Variants in KIFC3 observed in about 807,000 individuals in gnomAD.
KIFC3 encodes kinesin-like protein KIFC3.
A neutral mutation model predicts 101.8 loss-of-function variants in KIFC3; 60 were observed. That is an observed-to-expected ratio of 0.59 (90% CI 0.48 to 0.73). KIFC3 has a LOEUF of 0.73. KIFC3 is among the 30% of genes least tolerant of loss of function. The probability of loss-of-function intolerance (pLI) is 0.00; values close to 1 mark genes in which losing one functional copy is unlikely to be tolerated. For missense variants in KIFC3, 966 were observed against 1,137.1 expected, an observed-to-expected ratio of 0.85 and a Z score of 2.16; for synonymous variants, 476 against 482.7, an observed-to-expected ratio of 0.99 and a Z score of 0.18.
intron 3 of KIFC3, among the ~76,000 whole-genome samples, chr16:57,789,658 C>T (rs1763246991): frequency 6.6e-6 from 1 of 152,236 alleles, no homozygotes; most frequent in Non-Finnish European, 1.5e-5. Flanking sequence ...GGTGGCCTTA[C>T]ATTTCATGTT....
chr16:57,777,984 A>G (rs1195277948), intron 3 of KIFC3, among the ~76,000 whole-genome samples: 1 of 152,188 alleles, frequency 6.6e-6, no homozygotes, highest in African/African-American at 2.4e-5. Flanking sequence ...ATATACAAAA[A>G]TTAACTCAAA....
chr16:57,828,052 C>T (rs1331078485), intron 1 of KIFC3, among the ~76,000 whole-genome samples: 1 of 152,206 alleles, frequency 6.6e-6, no homozygotes, highest in Admixed American at 6.5e-5. Context: ...CAGTAAGGAG[C>T]AGGCTGGGAT....
chr16:57,842,456 C>T (rs545593002), intron 1 of KIFC3, among the ~76,000 whole-genome samples: 10 of 152,232 alleles, frequency 6.6e-5, no homozygotes, highest in Admixed American at 6.6e-4. Context: ...TGCAGCAGAG[C>T]GGGAATCACT....
chr16:57,804,062 A>G (rs1273514469), upstream of KIFC3, among the ~76,000 whole-genome samples: 4 of 152,212 alleles, frequency 2.6e-5, no homozygotes, highest in African/African-American at 9.7e-5. Flanking sequence ...TCAGGGATTG[A>G]GTACATTGAC....
Position 57,802,192 on chromosome 16 carries a change from G to A in KIFC3, c.-40+178C>T, listed in dbSNP as rs1192031983. ...CAAGGTCCTCGACTCGGGCTGAACG[G>A]CGCTGGAGGGGACCTCGCAGGGCTG... On this transcript the variant is annotated intron_variant, in intron 1 of 19. Coordinates refer to ENST00000445690, the MANE Select transcript of KIFC3 (RefSeq NM_001130100.2). This position sits in a 1 kb window ranked among gnomAD's most constrained non-coding sequence, Gnocchi z 5.0. Among the ~76,000 whole-genome samples, 2 of 152,212 alleles carry A rather than the reference G, an allele frequency of 1.3e-5. No individual in the cohort carries two copies. The highest frequency in any genetic ancestry group is 4.8e-5 in the African/African-American group (2 of 41,474).
intron 3 of KIFC3, among the ~76,000 whole-genome samples, chr16:57,787,805 C>G (rs1224060010): frequency 2.0e-5 from 3 of 152,228 alleles, no homozygotes; most frequent in African/African-American, 7.2e-5. Context: ...AACCCCAGAA[C>G]AGGGCTCTGG....
Position 57,765,587 on chromosome 16 carries a change from C to G in KIFC3, c.1384G>C (p.Gly462Arg). 6.2e-7 allele frequency: 1 copy of G among 1,611,234 alleles called. No homozygotes were observed. Among genetic ancestry groups the G allele is most frequent in the Non-Finnish European group, 8.5e-7 (1 of 1,178,738 alleles). The change falls in exon 11 of 20, where the codon GGA (glycine) becomes CGA (arginine). Residue 462 changes from glycine (G) to arginine (R), a missense_variant. By Grantham distance (125) the Gly-to-Arg change is moderately radical. This residue lies in a region of KIFC3 where 689 missense variants were observed against 884.6 expected (regional missense o/e 0.78). Coordinates refer to ENST00000445690, the MANE Select transcript of KIFC3 (RefSeq NM_001130100.2). Reference protein sequence around the residue: ...VRPVTKEDGEGPEATNAVTFD... With the variant: ...VRPVTKEDGERPEATNAVTFD... ...GTCACAGCATTGGTGGCCTCAGGTC[C>G]TTCCCCATCCTCTTTGGTGACTGGC...
chr16:57,771,655 A>T lies in KIFC3; in HGVS notation c.413T>A (p.Leu138Gln). The T allele has an allele frequency of 3.1e-6, 5 of 1,612,958 alleles. No homozygotes were observed. The South Asian group carries it at 5.5e-5, about 18-fold the overall frequency. ...CAGTCGCTCATTCTCCACCATCAGC[A>T]GGTCCCGGTGCTTCTCCAAGTCGGT... Reference protein sequence around the residue: ...GGTDLEKHRDLLMVENERLRQ... With the variant: ...GGTDLEKHRDQLMVENERLRQ... Residue 138 changes from leucine (L) to glutamine (Q), a missense_variant, in exon 5 of 20, where the codon CTG (leucine) becomes CAG (glutamine). By Grantham distance (113) the Leu-to-Gln change is moderately radical (BLOSUM62 -2). This residue lies in a region of KIFC3 where 277 missense variants were observed against 252.5 expected (regional missense o/e 1.10). Transcript: ENST00000445690.
chr16:57,812,416 C>T (rs765111875), intron 1 of KIFC3, among the ~76,000 whole-genome samples: 25 of 151,792 alleles, frequency 1.6e-4, no homozygotes, highest in Non-Finnish European at 2.9e-4. Flanking sequence ...GGAATAGGGC[C>T]CTCAGCACCC....
At chr16:57,803,953 A>G (rs2054869021), upstream of KIFC3, among the ~76,000 whole-genome samples, 1 of 152,130 alleles carries the variant, frequency 6.6e-6, no homozygotes, top group South Asian at 2.1e-4. Context: ...TTTAGTATCT[A>G]TCTCCCTTGA....
intron 1 of KIFC3, chr16:57,813,702 C>T: frequency 1.0e-6 from 1 of 984,878 alleles, no homozygotes; most frequent in Non-Finnish European, 1.2e-6. Flanking sequence ...CCAGCACCTC[C>T]CTGCACCCGG....
chr16:57,764,613 A>C (rs1294469383), intron 11 of KIFC3, among the ~76,000 whole-genome samples: 3 of 152,226 alleles, frequency 2.0e-5, no homozygotes, highest in Non-Finnish European at 4.4e-5. Flanking sequence ...ATAGAACCAG[A>C]CATGAGAACA....
chr16:57,797,391 G>A (rs1490429954), intron 2 of KIFC3, among the ~76,000 whole-genome samples: 9 of 152,158 alleles, frequency 5.9e-5, no homozygotes, highest in African/African-American at 1.4e-4. Context: ...CCGCGGCCCC[G>A]CCAATCCAGT....
In KIFC3 at chr16:57,771,668, T is replaced by C. The variant is rs1555608630; in HGVS notation, c.400A>G (p.Lys134Glu). The change falls in exon 5 of 20, where the codon AAG (lysine) becomes GAG (glutamate). Residue 134 changes from lysine to glutamate, a missense_variant. Around this residue, in one of 2 missense-constraint regions of KIFC3, gnomAD observed 277 missense variants for 252.5 expected, o/e 1.10. Transcript: ENST00000445690. ...TCCACCATCAGCAGGTCCCGGTGCT[T>C]CTCCAAGTCGGTGCCCCCCTGCAGA... ...RSELGGTDLE[K>E]HRDLLMVENE... 2 of 1,612,268 alleles carry C rather than the reference T, an allele frequency of 1.2e-6. No individual in the cohort carries two copies. Among genetic ancestry groups the C allele is most frequent in the Non-Finnish European group, 1.7e-6 (2 of 1,179,642 alleles).
At chr16:57,782,528 C>A (rs889003198) in intron 3 of KIFC3, among the ~76,000 whole-genome samples, 2 of 152,228 alleles carry the variant, frequency 1.3e-5, no homozygotes, top group African/African-American at 4.8e-5. Flanking sequence ...GGGTTTGAAC[C>A]CAGCTCCAGG....
intron 1 of KIFC3, among the ~76,000 whole-genome samples, chr16:57,814,874 G>A (rs114551819): frequency 0.016 from 2,389 of 152,126 alleles, 82 homozygotes; most frequent in African/African-American, 0.053. Context: ...CACGAACCTC[G>A]GCCTCCCAAA....
intron 1 of KIFC3, chr16:57,816,701 C>T (rs7200390): frequency 0.084 from 38,234 of 456,442 alleles, 3,450 homozygotes; most frequent in Admixed American, 0.27. Flanking sequence ...GAGGGCACCC[C>T]CACCAACCTC....
In KIFC3 at chr16:57,769,689, A is replaced by C. The variant is rs2050914784; in HGVS notation, c.1124T>G (p.Leu375Arg). The stretch of plus-strand genomic sequence containing the variant: ...ATTGTAGTCGTTGGTGAGGGTCCGC[A>C]GTGCCGGCTGCAAGGTCAGCAAGTT... ...RTNLLTLQPA[L>R]RTLTNDYNGL... is the part of the protein sequence containing the mutation. The change falls in exon 9 of 20, where the codon CTG becomes CGG. Residue 375 changes from leucine (L) to arginine (R), a missense_variant. Coordinates refer to ENST00000445690, the MANE Select transcript of KIFC3 (RefSeq NM_001130100.2). This position sits in a 1 kb window ranked among gnomAD's most constrained non-coding sequence, Gnocchi z 4.3. 1 of 1,612,642 alleles carries C rather than the reference A, an allele frequency of 6.2e-7. No homozygotes were observed. The highest frequency in any genetic ancestry group is 8.5e-7 in the Non-Finnish European group (1 of 1,179,994).
intron 3 of KIFC3, among the ~76,000 whole-genome samples, chr16:57,773,296 T>G (rs916034965): frequency 7.9e-5 from 12 of 152,148 alleles, no homozygotes; most frequent in African/African-American, 2.9e-4. Context: ...GTCCACTGAT[T>G]ACAGGGGACA....
Sources: allele counts gnomAD v4.1 joint callset (sites outside exome capture counted in the v4.1 genomes callset), GRCh38; gene constraint gnomAD v4.1.1; regional missense constraint gnomAD v4.1.1; non-coding constraint Gnocchi (gnomAD v3.1); transcripts MANE v1.5; gene names NCBI Gene and HGNC (gene_info 2026-07-23, HGNC 2026-07-21).